The following TTC12 variants were observed in gnomAD, a reference collection of about 807,000 sequenced individuals.
TTC12 encodes the protein tetratricopeptide repeat protein 12.
In TTC12, 70 loss-of-function variants were observed where a neutral mutation model predicts 90.1. The observed-to-expected ratio is 0.78, with a 90% CI of 0.64 to 0.95. The LOEUF is 0.95. Among genes scored for constraint, TTC12 ranks in the 40% least tolerant of loss-of-function variants. The pLI is 0.00. For synonymous variants in TTC12, 296 were observed against 311.5 expected (o/e 0.95, Z 0.53); for missense variants, 819 against 846.1 (o/e 0.97, Z 0.40).
At chr11:113,319,179 C>T (rs1284375906) in intron 2 of TTC12, among the ~76,000 whole-genome samples, 1 of 152,134 alleles carries the variant, frequency 6.6e-6, no homozygotes, top group Non-Finnish European at 1.5e-5. Context: ...TGGTCTTTTT[C>T]CCCAAATCCT....
intron 19 of TTC12, among the ~76,000 whole-genome samples, chr11:113,362,755 C>T (rs561250397): frequency 6.6e-6 from 1 of 152,252 alleles, no homozygotes; most frequent in East Asian, 1.9e-4. Flanking sequence ...ACCCCTCAAG[C>T]CTGACTTAAA....
At chr11:113,321,988 A>G (rs1341307570) in intron 2 of TTC12, among the ~76,000 whole-genome samples, 1 of 152,212 alleles carries the variant, frequency 6.6e-6, no homozygotes, top group African/African-American at 2.4e-5. Context: ...GTTTGTTTCA[A>G]ACCACTAAGT....
chr11:113,340,691 A>C lies in TTC12; in HGVS notation c.854A>C (p.His285Pro), dbSNP rs781888970. 2 of 1,614,142 alleles carry C rather than the reference A, an allele frequency of 1.2e-6. No individual in the cohort carries two copies. Among genetic ancestry groups the C allele is most frequent in the African/African-American group, 2.7e-5 (2 of 75,048 alleles). Residue 285 changes from histidine to proline, a missense_variant, in exon 11 of 22, where the codon CAC (histidine) becomes CCC (proline). Physicochemically the swap from His to Pro is moderately conservative, Grantham distance 77. Coordinates refer to ENST00000529221, the MANE Select transcript of TTC12 (RefSeq NM_017868.4). ...ECTEQTLFRM[H>P]NGFSIISDNE... ...ACAGAACAAACTTTATTCAGAATGC[A>C]CAATGGATTTAGTATCATCAGTGAC... is the stretch of plus-strand genomic sequence containing the variant.
At chr11:113,350,663 A>G (rs973676147) in intron 14 of TTC12, among the ~76,000 whole-genome samples, 8 of 152,192 alleles carry the variant, frequency 5.3e-5, no homozygotes. Context: ...GGATGATAGT[A>G]AGGGTCTTAG....
chr11:113,340,930 A>G (rs372402390), intron 11 of TTC12, among the ~76,000 whole-genome samples, 197 bp downstream of exon 11: 3 of 152,302 alleles, frequency 2.0e-5, no homozygotes, highest in Non-Finnish European at 2.9e-5. Flanking sequence ...TTGGAGTTAC[A>G]CTGCAGCTAA....
intron 16 of TTC12, among the ~76,000 whole-genome samples, chr11:113,354,742 T>C (rs1256587414): frequency 6.6e-6 from 1 of 152,282 alleles, no homozygotes; most frequent in Non-Finnish European, 1.5e-5. Context: ...TTCTTAGTTC[T>C]ATTTGTGATG....
rs115901176 is a variant in TTC12, at chr11:113,317,718, A to C, written c.58+1403A>C. 9.8e-3 allele frequency among the ~76,000 whole-genome samples: 1,487 copies of C among 152,210 alleles called. 30 individuals carry two copies. The highest frequency in any genetic ancestry group is 0.034 in the African/African-American group (1,408 of 41,536). ...TCTCCCTACCTCACGCTTGAGCAGC[A>C]ATAAACTGCTGATACTTCGCCACAC... On this transcript the variant is annotated intron_variant, in intron 2 of 21. Coordinates refer to ENST00000529221, the MANE Select transcript of TTC12 (RefSeq NM_017868.4).
intron 16 of TTC12, among the ~76,000 whole-genome samples, chr11:113,354,132 T>A (rs373533521): frequency 6.6e-6 from 1 of 152,236 alleles, no homozygotes. Flanking sequence ...TTATCTCTGA[T>A]TTCTTTGAAC....
At chr11:113,352,363 T>C (rs1312604005) in intron 16 of TTC12, among the ~76,000 whole-genome samples, 156 bp downstream of exon 16, 5 of 152,238 alleles carry the variant, frequency 3.3e-5, no homozygotes, top group Non-Finnish European at 7.3e-5. Flanking sequence ...TATGCACTGC[T>C]GGCCTTAAAG....
chr11:113,344,232 T>C lies in TTC12; in HGVS notation c.986-40T>C, dbSNP rs782059858. 4 of 1,577,768 alleles carry C rather than the reference T, an allele frequency of 2.5e-6. No individual in the cohort carries two copies. The South Asian group carries it at 4.6e-5, about 18-fold the overall frequency. On this transcript the variant is annotated intron_variant, in intron 12 of 21. Transcript: ENST00000529221. ...GGTGACAGAGCTAGTTTAATTGCCA[T>C]GATGGCATGCACAAGACACACAACC...
At chr11:113,356,036 G>T (rs1413500920) in intron 16 of TTC12, among the ~76,000 whole-genome samples, 2 of 152,172 alleles carry the variant, frequency 1.3e-5, no homozygotes, top group African/African-American at 4.8e-5. Flanking sequence ...TGTCAGTGGG[G>T]TGATAAAGTC....
chr11:113,368,496 G>A (rs762316953), downstream of TTC12: 1 of 1,550,282 alleles, frequency 6.5e-7, no homozygotes, highest in Admixed American at 2.0e-5. Context: ...ACAAGCAGAG[G>A]AGCTGGGATT....
intron 7 of TTC12, 78 bp downstream of exon 7, chr11:113,330,057 G>A: frequency 1.7e-6 from 2 of 1,143,202 alleles, no homozygotes; most frequent in Admixed American, 1.7e-5. Context: ...TATCAAGATA[G>A]GAAAGGGTAT....
Position 113,324,946 on chromosome 11 carries a change from T to G in TTC12, c.322+264T>G, listed in dbSNP as rs1591526194. On this transcript the variant is annotated intron_variant, in intron 5 of 21. Coordinates refer to ENST00000529221, the MANE Select transcript of TTC12 (RefSeq NM_017868.4). The stretch of plus-strand genomic sequence containing the variant: ...TGTGCACTTAGCAGAGCAAAGTGAA[T>G]TGTACTAAACAATGCTCAGGAAGTA... Among the ~76,000 whole-genome samples, 6 of 152,256 alleles carry G rather than the reference T, an allele frequency of 3.9e-5. No homozygotes were observed. In the South Asian group the frequency reaches 1.2e-3, roughly 32 times the overall value.
intron 11 of TTC12, 88 bp from the exon 12 acceptor site, chr11:113,341,749 G>A: frequency 1.0e-6 from 1 of 983,258 alleles, no homozygotes; most frequent in African/African-American, 1.6e-5. Context: ...TGTATTTGGT[G>A]AATCTAGGGG....
chr11:113,322,640 T>G (rs1252925332), intron 2 of TTC12, among the ~76,000 whole-genome samples: 2 of 151,972 alleles, frequency 1.3e-5, no homozygotes, highest in Admixed American at 6.6e-5. Context: ...TCCAGTTGAG[T>G]TTGAGTTTGG....
intron 2 of TTC12, among the ~76,000 whole-genome samples, chr11:113,317,798 A>AT (rs1947037319): frequency 7.1e-6 from 1 of 140,478 alleles, no homozygotes; most frequent in Admixed American, 7.4e-5. Flanking sequence ...CTGCCTCTTC[A>AT]TCTTTTTTTT....
At chr11:113,319,778 A>G (rs1469254376) in intron 2 of TTC12, among the ~76,000 whole-genome samples, 1 of 152,162 alleles carries the variant, frequency 6.6e-6, no homozygotes, top group Non-Finnish European at 1.5e-5. Context: ...TGGAAAGGAC[A>G]ATCAGGGGAA....
At chr11:113,331,786 T>A (rs569860311) in intron 7 of TTC12, among the ~76,000 whole-genome samples, 1 of 152,308 alleles carries the variant, frequency 6.6e-6, no homozygotes, top group South Asian at 2.1e-4. Flanking sequence ...CCAATGGAGC[T>A]GACATTAAAA....
Sources: gnomAD v4.1 joint callset for allele counts (sites outside exome capture counted in the v4.1 genomes callset) on GRCh38, gnomAD v4.1.1 for gene constraint, MANE v1.5 for transcripts, NCBI Gene and HGNC (gene_info 2026-07-23, HGNC 2026-07-21) for gene names.